MC1R: variants seen among roughly 807,000 people sequenced by gnomAD.
MC1R encodes the protein melanocyte-stimulating hormone receptor.
For missense variants in MC1R, 542 were observed against 430.0 expected, an observed-to-expected ratio of 1.26 and a Z score of -2.30; for synonymous variants, 263 against 203.8, an observed-to-expected ratio of 1.29 and a Z score of -2.47.
At position 89,919,909 on chromosome 16, in the gene MC1R, C is replaced by G; in HGVS notation, c.651C>G (p.His217Gln). Residue 217 changes from histidine to glutamine, a missense_variant, in exon 1 of 1, where the codon CAC becomes CAG. By Grantham distance (24) the His-to-Gln change is conservative. Coordinates refer to ENST00000555147, the MANE Select transcript of MC1R (RefSeq NM_002386.4). ...ACATGCTGGCCCGGGCCTGCCAGCA[C>G]GCCCAGGGCATCGCCCGGCTCCACA... ...YVHMLARACQHAQGIARLHKR... is the reference protein window; with the variant it reads ...YVHMLARACQQAQGIARLHKR... 1 of 1,608,184 alleles carries G rather than the reference C, an allele frequency of 6.2e-7. No individual in the cohort carries two copies. The highest frequency in any genetic ancestry group is 1.1e-5 in the South Asian group (1 of 91,076).
chr16:89,919,706 C>G lies in MC1R; in HGVS notation c.448C>G (p.Leu150Val). 6.2e-7 allele frequency: 1 copy of G among 1,606,454 alleles called. No homozygotes were observed. Among genetic ancestry groups the G allele is most frequent in the Middle Eastern group, 1.6e-4 (1 of 6,062 alleles). The part of the protein sequence containing the change: ...VDRYISIFYA[L>V]RYHSIVTLPR... ...CCGCTACATCTCCATCTTCTACGCA[C>G]TGCGCTACCACAGCATCGTGACCCT... The change falls in exon 1 of 1, where the codon CTG (leucine) becomes GTG (valine). Residue 150 changes from leucine to valine, a missense_variant. By Grantham distance (32) the Leu-to-Val change is conservative. Transcript: ENST00000555147.
Position 89,919,966 on chromosome 16 carries a change from C to A in MC1R, c.708C>A (p.Gly236=). 6.2e-7 allele frequency: 1 copy of A among 1,612,684 alleles called. No homozygotes were observed. ...AGCGCCCGGTCCACCAGGGCTTTGGCCTTAAAGGCGCTGTCACCCTCACCA... is the reference window on the plus strand; with the variant it reads ...AGCGCCCGGTCCACCAGGGCTTTGGACTTAAAGGCGCTGTCACCCTCACCA... ...KRQRPVHQGF[G]LKGAVTLTIL... The change falls in exon 1 of 1, where the codon GGC becomes GGA. Residue 236 remains glycine (G), a synonymous_variant. Transcript: ENST00000555147.
rs145781072 is a variant in MC1R, at chr16:89,919,789, G to A, written c.531G>A (p.Thr177=). 447 of 1,608,168 alleles carry A rather than the reference G, an allele frequency of 2.8e-4. 3 individuals carry two copies. In the African/African-American group the frequency reaches 5.0e-3, roughly 18 times the overall value. Reference sequence around the variant, plus strand: ...GGGTGGCCAGTGTCGTCTTCAGCACGCTCTTCATCGCCTACTACGACCACG... The same window carrying A: ...GGGTGGCCAGTGTCGTCTTCAGCACACTCTTCATCGCCTACTACGACCACG... ...AIWVASVVFS[T]LFIAYYDHVA... The change falls in exon 1 of 1, where the codon ACG becomes ACA. Residue 177 remains threonine (T), a synonymous_variant. Transcript: ENST00000555147.
In MC1R at chr16:89,920,449, T is replaced by TG; in HGVS notation, c.*241dup. On this transcript the variant is annotated 3_prime_UTR_variant, in exon 1 of 1. Coordinates refer to ENST00000555147, the MANE Select transcript of MC1R (RefSeq NM_002386.4). The stretch of plus-strand genomic sequence containing the variant: ...CAGTCGTGGGGAACGGAGGAGGACA[T>TG]GGGGAGGTTGTGGGGCCTCAGGCTC... The TG allele has an allele frequency of 1.6e-6, 1 of 619,196 alleles. No homozygotes were observed. 38.4% of individuals were successfully genotyped at this position (619,196 alleles called of 1,614,324 possible). A position where few individuals can be genotyped will look rare whatever the true frequency, so the allele number is the denominator to read the frequency against.
Position 89,920,062 on chromosome 16 carries a change from C to G in MC1R, c.804C>G (p.Pro268=). The G allele has an allele frequency of 6.2e-7, 1 of 1,613,888 alleles. No homozygotes were observed. Among genetic ancestry groups the G allele is most frequent in the Non-Finnish European group, 8.5e-7 (1 of 1,179,888 alleles). Residue 268 remains proline (P), a synonymous_variant, in exon 1 of 1, where the codon CCC becomes CCG. Transcript: ENST00000555147. ...ATCTCACACTCATCGTCCTCTGCCC[C>G]GAGCACCCCACGTGCGGCTGCATCT... ...FLHLTLIVLC[P]EHPTCGCIFK... is the part of the protein sequence containing the mutation.
At position 89,919,327 on chromosome 16, in the gene MC1R, G is replaced by T; in HGVS notation, c.69G>T (p.Gln23His). 1 of 1,612,276 alleles carries T rather than the reference G, an allele frequency of 6.2e-7. No individual in the cohort carries two copies. The highest frequency in any genetic ancestry group is 8.5e-7 in the Non-Finnish European group (1 of 1,179,500). The change falls in exon 1 of 1, where the codon CAG becomes CAT. Residue 23 changes from glutamine to histidine, a missense_variant. Physicochemically the swap from Gln to His is conservative, Grantham distance 24. Coordinates refer to ENST00000555147, the MANE Select transcript of MC1R (RefSeq NM_002386.4). ...ACTCCACCCCCACAGCCATCCCCCA[G>T]CTGGGGCTGGCTGCCAACCAGACAG... The part of the protein sequence containing the change: ...SLNSTPTAIP[Q>H]LGLAANQTGA...
Position 89,919,566 on chromosome 16 carries a change from C to T in MC1R, c.308C>T (p.Ala103Val). 1 of 1,611,830 alleles carries T rather than the reference C, an allele frequency of 6.2e-7. No individual in the cohort carries two copies. The highest frequency in any genetic ancestry group is 1.1e-5 in the South Asian group (1 of 91,084). Reference protein sequence around the residue: ...LETAVILLLEAGALVARAAVL... With the variant: ...LETAVILLLEVGALVARAAVL... ...ACGGCCGTCATCCTCCTGCTGGAGG[C>T]CGGTGCACTGGTGGCCCGGGCTGCG... Residue 103 changes from alanine (A) to valine (V), a missense_variant, in exon 1 of 1, where the codon GCC (alanine) becomes GTC (valine). Coordinates refer to ENST00000555147, the MANE Select transcript of MC1R (RefSeq NM_002386.4).
Position 89,919,543 on chromosome 16 carries a change from G to C in MC1R, c.285G>C (p.Thr95=). Residue 95 remains threonine (T), a synonymous_variant, in exon 1 of 1, where the codon ACG becomes ACC. Transcript: ENST00000555147. ...TGAGCGGGAGCAACGTGCTGGAGAC[G>C]GCCGTCATCCTCCTGCTGGAGGCCG... The part of the protein sequence containing the change: ...LLVSGSNVLE[T]AVILLLEAGA... 1 of 1,612,636 alleles carries C rather than the reference G, an allele frequency of 6.2e-7. No individual in the cohort carries two copies. Among genetic ancestry groups the C allele is most frequent in the Non-Finnish European group, 8.5e-7 (1 of 1,179,716 alleles).
chr16:89,919,892 GCCCGGGCCTGCCAGCACGC>G lies in MC1R; in HGVS notation c.637_655del (p.Cys215SerfsTer93), dbSNP rs746326142. 6.9e-5 allele frequency: 111 copies of G among 1,606,610 alleles called. No homozygotes were observed. Among genetic ancestry groups the G allele is most frequent in the Non-Finnish European group, 9.2e-5 (109 of 1,179,630 alleles). ...GGCCGTGCTGTACGTCCACATGCTG[GCCCGGGCCTGCCAGCACGC>G]CCAGGGCATCGCCCGGCTCCACAAG... On this transcript the variant is annotated frameshift_variant, in exon 1 of 1. Transcript: ENST00000555147. LOFTEE classifies it low-confidence loss of function (END_TRUNC).
At position 89,919,843 on chromosome 16, in the gene MC1R, C is replaced by G; in HGVS notation, c.585C>G (p.Phe195Leu). 2 of 1,606,852 alleles carry G rather than the reference C, an allele frequency of 1.2e-6. No homozygotes were observed. Among genetic ancestry groups the G allele is most frequent in the Non-Finnish European group, 8.5e-7 (1 of 1,179,746 alleles). The change falls in exon 1 of 1, where the codon TTC (phenylalanine) becomes TTG (leucine). Residue 195 changes from phenylalanine (F) to leucine (L), a missense_variant. Coordinates refer to ENST00000555147, the MANE Select transcript of MC1R (RefSeq NM_002386.4). ...CCGTCCTGCTGTGCCTCGTGGTCTT[C>G]TTCCTGGCTATGCTGGTGCTCATGG... ...HVAVLLCLVVFFLAMLVLMAV... is the reference protein window; with the variant it reads ...HVAVLLCLVVLFLAMLVLMAV...
Position 89,919,020 on chromosome 16 carries a change from G to T in MC1R, c.-239G>T. 3 of 548,742 alleles carry T rather than the reference G, an allele frequency of 5.5e-6. No individual in the cohort carries two copies. The highest frequency in any genetic ancestry group is 9.7e-6 in the Non-Finnish European group (3 of 307,864). The allele number at this position is 548,742 out of a possible 1,614,324, so 34.0% of individuals were successfully genotyped here. On this transcript the variant is annotated 5_prime_UTR_variant, in exon 1 of 1. Transcript: ENST00000555147. ...ACCAGGCTTGGTTGTGAGAATCCCTGAGCCCAGGCGGTAGATGCCAGGAGG... is the reference window on the plus strand; with the variant it reads ...ACCAGGCTTGGTTGTGAGAATCCCTTAGCCCAGGCGGTAGATGCCAGGAGG...
rs2045696533 is a variant in MC1R at position 89,919,692 on chromosome 16, CCAT to C, written c.436_438del (p.Ile146del). 6.2e-7 allele frequency: 1 copy of C among 1,606,180 alleles called. No homozygotes were observed. The highest frequency in any genetic ancestry group is 8.5e-7 in the Non-Finnish European group (1 of 1,179,616). ...GCCATCGCCGTGGACCGCTACATCT[CCAT>C]CTTCTACGCACTGCGCTACCACAGC... On this transcript the variant is annotated inframe_deletion, in exon 1 of 1. Transcript: ENST00000555147.
rs753337030 is a variant in MC1R, at chr16:89,919,803, A to C, written c.545A>C (p.Tyr182Ser). Residue 182 changes from tyrosine (Y) to serine (S), a missense_variant, in exon 1 of 1, where the codon TAC (tyrosine) becomes TCC (serine). Transcript: ENST00000555147. ...GTCTTCAGCACGCTCTTCATCGCCT[A>C]CTACGACCACGTGGCCGTCCTGCTG... ...SVVFSTLFIA[Y>S]YDHVAVLLCL... is the part of the protein sequence containing the mutation. The C allele has an allele frequency of 6.2e-7, 1 of 1,607,670 alleles. No homozygotes were observed. Among genetic ancestry groups the C allele is most frequent in the South Asian group, 1.1e-5 (1 of 91,080 alleles).
Position 89,919,166 on chromosome 16 carries a change from G to C in MC1R, c.-93G>C. On this transcript the variant is annotated 5_prime_UTR_variant, in exon 1 of 1. Coordinates refer to ENST00000555147, the MANE Select transcript of MC1R (RefSeq NM_002386.4). Reference sequence around the variant, plus strand: ...CATGGGGGACACCCAAGGCCCCCTGGCAGCACCATGAACTAAGCAGGACAC... The same window carrying C: ...CATGGGGGACACCCAAGGCCCCCTGCCAGCACCATGAACTAAGCAGGACAC... The C allele has an allele frequency of 1.1e-6, 1 of 896,438 alleles. No individual in the cohort carries two copies. The highest frequency in any genetic ancestry group is 1.7e-6 in the Non-Finnish European group (1 of 594,170). The allele number at this position is 896,438 out of a possible 1,614,324, so 55.5% of individuals were successfully genotyped here.
chr16:89,920,011 C>A lies in MC1R; in HGVS notation c.753C>A (p.Phe251Leu), dbSNP rs561571645. ...VTLTILLGIFFLCWGPFFLHL... is the reference protein window; with the variant it reads ...VTLTILLGIFLLCWGPFFLHL... ...TCACCATCCTGCTGGGCATTTTCTTCCTCTGCTGGGGCCCCTTCTTCCTGC... is the reference window on the plus strand; with the variant it reads ...TCACCATCCTGCTGGGCATTTTCTTACTCTGCTGGGGCCCCTTCTTCCTGC... The change falls in exon 1 of 1, where the codon TTC becomes TTA. Residue 251 changes from phenylalanine (F) to leucine (L), a missense_variant. By Grantham distance (22) the Phe-to-Leu change is conservative. Transcript: ENST00000555147. The A allele has an allele frequency of 6.2e-7, 1 of 1,613,656 alleles. No homozygotes were observed. The highest frequency in any genetic ancestry group is 1.7e-5 in the Admixed American group (1 of 60,028).
chr16:89,920,389 G>A lies in MC1R; in HGVS notation c.*177G>A. 2 of 639,738 alleles carry A rather than the reference G, an allele frequency of 3.1e-6. No homozygotes were observed. Among genetic ancestry groups the A allele is most frequent in the Non-Finnish European group, 5.6e-6 (2 of 358,966 alleles). 39.6% of individuals were successfully genotyped at this position (639,738 alleles called of 1,614,324 possible). On this transcript the variant is annotated 3_prime_UTR_variant, in exon 1 of 1. Coordinates refer to ENST00000555147, the MANE Select transcript of MC1R (RefSeq NM_002386.4). ...CGGACCCTTCTGGGTCCAGGGAGGG[G>A]TCCCTGCAAAACTCCAGGCAGGACT... is the stretch of plus-strand genomic sequence containing the variant.
At position 89,919,804 on chromosome 16, in the gene MC1R, C is replaced by G. The variant is rs370040645; in HGVS notation, c.546C>G (p.Tyr182Ter). The change falls in exon 1 of 1, where the codon TAC becomes TAG. Residue 182 changes from tyrosine (Y) to a stop codon, truncating the protein, a stop_gained. Transcript: ENST00000555147. LOFTEE classifies it low-confidence loss of function (END_TRUNC). ...SVVFSTLFIA[Y>*]YDHVAVLLCL... ...TCTTCAGCACGCTCTTCATCGCCTA[C>G]TACGACCACGTGGCCGTCCTGCTGT... The G allele has an allele frequency of 2.5e-6, 4 of 1,607,978 alleles. No homozygotes were observed. The highest frequency in any genetic ancestry group is 2.7e-5 in the African/African-American group (2 of 75,064).
At position 89,918,986 on chromosome 16, in the gene MC1R, G is replaced by C. The variant is rs575441534; in HGVS notation, c.-273G>C. 329 of 509,096 alleles carry C rather than the reference G, an allele frequency of 6.5e-4. No individual in the cohort carries two copies. The highest frequency in any genetic ancestry group is 7.5e-4 in the South Asian group (27 of 36,156). 31.5% of individuals were successfully genotyped at this position (509,096 alleles called of 1,614,324 possible). On this transcript the variant is annotated 5_prime_UTR_variant, in exon 1 of 1. Transcript: ENST00000555147. ...AGCCACCAGGGAAGAGGCAGGGAGGGAGCTGAGGACCAGGCTTGGTTGTGA... is the reference window on the plus strand; with the variant it reads ...AGCCACCAGGGAAGAGGCAGGGAGGCAGCTGAGGACCAGGCTTGGTTGTGA...
At position 89,919,276 on chromosome 16, in the gene MC1R, C is replaced by G; in HGVS notation, c.18C>G (p.Ser6=). Residue 6 remains serine, a synonymous_variant, in exon 1 of 1, where the codon TCC becomes TCG. Transcript: ENST00000555147. MAVQG[S]QRRLLGSLNS... is the part of the protein sequence containing the mutation. ...ACAGGACTATGGCTGTGCAGGGATC[C>G]CAGAGAAGACTTCTGGGCTCCCTCA... is the stretch of plus-strand genomic sequence containing the variant. 1.3e-6 allele frequency: 2 copies of G among 1,585,584 alleles called. No individual in the cohort carries two copies. Among genetic ancestry groups the G allele is most frequent in the Non-Finnish European group, 1.7e-6 (2 of 1,165,626 alleles).
Sources: allele counts gnomAD v4.1 joint callset, GRCh38; gene constraint gnomAD v4.1.1; transcripts MANE v1.5; gene names NCBI Gene and HGNC (gene_info 2026-07-23, HGNC 2026-07-21).